Variants in CNTN5 observed in about 807,000 individuals in gnomAD.
The protein encoded by CNTN5 is contactin-5.
CNTN5 carries 77 observed loss-of-function variants against 129.1 expected under a neutral mutation model. The ratio of observed to expected loss-of-function variants is 0.60; its 90% confidence interval spans 0.50 to 0.72. CNTN5 has a LOEUF of 0.72. Among genes scored for constraint, CNTN5 ranks in the 30% least tolerant of loss-of-function variants. CNTN5 has a pLI of 0.00. For synonymous variants in CNTN5, 509 were observed against 465.6 expected (o/e 1.09, Z -1.20); for missense variants, 1,478 against 1,328.8 (o/e 1.11, Z -1.75).
intron 16 of CNTN5, 93 bp from the exon 17 acceptor site, chr11:100,255,667 C>T: frequency 2.8e-6 from 3 of 1,071,894 alleles, no homozygotes; most frequent in Non-Finnish European, 4.1e-6. Context: ...AAGGTGATTA[C>T]ATAGTTGGAT....
At chr11:100,161,411 A>G (rs892751449) in intron 13 of CNTN5, among the ~76,000 whole-genome samples, 3 of 151,950 alleles carry the variant, frequency 2.0e-5, no homozygotes, top group Non-Finnish European at 4.4e-5. Flanking sequence ...CATTCTATTA[A>G]TGTTCAGTAA....
At chr11:99,694,936 G>A (rs1171500099) in intron 3 of CNTN5, among the ~76,000 whole-genome samples, 1 of 151,996 alleles carries the variant, frequency 6.6e-6, no homozygotes, top group Non-Finnish European at 1.5e-5. Flanking sequence ...GGAAGGTTAG[G>A]TGCCTTTCCA....
intron 3 of CNTN5, among the ~76,000 whole-genome samples, chr11:99,770,747 C>A (rs1266853924): frequency 6.6e-6 from 1 of 151,972 alleles, no homozygotes; most frequent in African/African-American, 2.4e-5. Flanking sequence ...AAGTGATCTA[C>A]AAGTTTAATG....
intron 13 of CNTN5, among the ~76,000 whole-genome samples, chr11:100,093,336 C>T (rs1944868607): frequency 6.6e-6 from 1 of 152,108 alleles, no homozygotes; most frequent in Non-Finnish European, 1.5e-5. Flanking sequence ...CCATAGCGCA[C>T]TGTAATCTGG....
intron 13 of CNTN5, among the ~76,000 whole-genome samples, chr11:100,126,429 A>T (rs1406745132): frequency 6.6e-6 from 1 of 152,098 alleles, no homozygotes; most frequent in Non-Finnish European, 1.5e-5. Context: ...GGCTTTTTGT[A>T]GGTCTAGAAG....
intron 1 of CNTN5, among the ~76,000 whole-genome samples, chr11:99,230,070 C>G (rs1012133939): frequency 6.6e-6 from 1 of 152,032 alleles, no homozygotes; most frequent in Non-Finnish European, 1.5e-5. Flanking sequence ...TGATTGATTT[C>G]TGTCTGGAAT....
At chr11:99,647,166 C>T (rs1951996066) in intron 3 of CNTN5, among the ~76,000 whole-genome samples, 1 of 152,080 alleles carries the variant, frequency 6.6e-6, no homozygotes, top group Non-Finnish European at 1.5e-5. Flanking sequence ...AGTTTCAAGT[C>T]TTACATTGAG....
chr11:99,440,654 C>G (rs775931021), intron 2 of CNTN5, among the ~76,000 whole-genome samples: 54 of 151,824 alleles, frequency 3.6e-4, no homozygotes, highest in Non-Finnish European at 6.0e-4. Context: ...CTTCTTCATT[C>G]TTTTCCATTC....
At chr11:99,143,227 G>T (rs1008307384) in intron 1 of CNTN5, among the ~76,000 whole-genome samples, 9 of 150,448 alleles carry the variant, frequency 6.0e-5, no homozygotes, top group East Asian at 3.9e-4. Context: ...ACTCTACATA[G>T]AAAACAATTT....
intron 24 of CNTN5, among the ~76,000 whole-genome samples, chr11:100,354,300 T>C (rs769014397): frequency 1.3e-5 from 2 of 151,694 alleles, no homozygotes; most frequent in Non-Finnish European, 3.0e-5. Context: ...CTGATGTTAG[T>C]ATCTAAAAGT....
chr11:99,552,860 A>C (rs1008972758), intron 2 of CNTN5, among the ~76,000 whole-genome samples: 1 of 152,118 alleles, frequency 6.6e-6, no homozygotes, highest in Non-Finnish European at 1.5e-5. Context: ...AGATGTATGC[A>C]CTATTAACAC....
intron 1 of CNTN5, among the ~76,000 whole-genome samples, chr11:99,055,494 C>G (rs142484314): frequency 8.2e-4 from 125 of 152,016 alleles, no homozygotes; most frequent in African/African-American, 2.9e-3. Flanking sequence ...GTCAATAAGT[C>G]TTAATATAAA....
chr11:99,182,567 C>T (rs905125907), intron 1 of CNTN5, among the ~76,000 whole-genome samples: 1 of 152,186 alleles, frequency 6.6e-6, no homozygotes, highest in Middle Eastern at 3.4e-3. Context: ...GTATCAAGAA[C>T]ATTCTCTTGT....
chr11:99,543,699 C>A (rs1948186612), intron 2 of CNTN5, among the ~76,000 whole-genome samples: 1 of 152,010 alleles, frequency 6.6e-6, no homozygotes, highest in African/African-American at 2.4e-5. Flanking sequence ...GGGTGGATCA[C>A]CTGAGGTCAG....
intron 2 of CNTN5, among the ~76,000 whole-genome samples, chr11:99,519,665 A>T (rs1417702593): frequency 6.6e-6 from 1 of 152,102 alleles, no homozygotes; most frequent in Non-Finnish European, 1.5e-5. Flanking sequence ...GATAATGCTC[A>T]GTTTTAATCT....
chr11:99,972,839 C>G (rs371600234), intron 8 of CNTN5, among the ~76,000 whole-genome samples: 1 of 152,012 alleles, frequency 6.6e-6, no homozygotes, highest in South Asian at 2.1e-4. Flanking sequence ...TATCCTCACC[C>G]CATATATCTT....
At chr11:99,166,000 T>C (rs1860847734) in intron 1 of CNTN5, among the ~76,000 whole-genome samples, 1 of 152,240 alleles carries the variant, frequency 6.6e-6, no homozygotes, top group Non-Finnish European at 1.5e-5. Flanking sequence ...ATGTTTAATC[T>C]TTGGGCAGCC....
chr11:99,535,627 A>T (rs981738681), intron 2 of CNTN5, among the ~76,000 whole-genome samples: 13 of 152,210 alleles, frequency 8.5e-5, no homozygotes, highest in African/African-American at 2.7e-4. Context: ...AGCGAGGCTG[A>T]AAACTACTGA....
intron 1 of CNTN5, among the ~76,000 whole-genome samples, chr11:99,070,459 A>C (rs1438863699): frequency 6.6e-6 from 1 of 152,128 alleles, no homozygotes; most frequent in South Asian, 2.1e-4. Flanking sequence ...AAACAGCCTG[A>C]GCCCCTATAT....
Sources: gnomAD v4.1 joint callset for allele counts (sites outside exome capture counted in the v4.1 genomes callset) on GRCh38, gnomAD v4.1.1 for gene constraint, MANE v1.5 for transcripts, NCBI Gene and HGNC (gene_info 2026-07-23, HGNC 2026-07-21) for gene names.